TRAF3: variants seen among roughly 807,000 people sequenced by gnomAD.
TRAF3 encodes TNF receptor-associated factor 3.
Under a neutral mutation model 62.3 loss-of-function variants are expected in TRAF3, and 13 were observed. The ratio of observed to expected loss-of-function variants is 0.21; its 90% CI spans 0.14 to 0.33. The LOEUF is 0.33. TRAF3 is among the 10% of genes least tolerant of loss of function. The pLI, the probability that TRAF3 is intolerant of heterozygous loss-of-function variation, is 1.00. For synonymous variants in TRAF3, 269 were observed against 283.4 expected, an observed-to-expected ratio of 0.95 and a Z score of 0.51; for missense variants, 440 against 741.8, an observed-to-expected ratio of 0.59 and a Z score of 4.73.
chr14:102,787,993 A>G (rs1897591277), intron 1 of TRAF3, among the ~76,000 whole-genome samples: 1 of 151,670 alleles, frequency 6.6e-6, no homozygotes, highest in African/African-American at 2.4e-5. Context: ...CTGGGATTAC[A>G]GGTATGCACC....
At chr14:102,816,694 A>C (rs1408425860) in intron 1 of TRAF3, among the ~76,000 whole-genome samples, 2 of 152,148 alleles carry the variant, frequency 1.3e-5, no homozygotes, top group Non-Finnish European at 2.9e-5. Context: ...TGATCATATG[A>C]TTGTGGCAGT....
intron 1 of TRAF3, among the ~76,000 whole-genome samples, chr14:102,819,485 C>T (rs1028082074): frequency 6.6e-6 from 1 of 152,214 alleles, no homozygotes; most frequent in Non-Finnish European, 1.5e-5. Flanking sequence ...GTGTGCACAT[C>T]GCTCAGCATG....
intron 7 of TRAF3, among the ~76,000 whole-genome samples, chr14:102,888,894 C>T (rs1184371137): frequency 4.6e-5 from 7 of 152,132 alleles, no homozygotes; most frequent in African/African-American, 1.4e-4. Context: ...GAGCAAGGGA[C>T]TTTTTTCTTG....
At chr14:102,825,772 G>A (rs75780729) in intron 1 of TRAF3, among the ~76,000 whole-genome samples, 4,050 of 152,346 alleles carry the variant, frequency 0.027, 184 homozygotes, top group African/African-American at 0.092. Context: ...TGGAACTTCT[G>A]TGGGGAGTGC....
chr14:102,892,849 G>A (rs149388811), intron 9 of TRAF3, among the ~76,000 whole-genome samples: 35 of 152,302 alleles, frequency 2.3e-4, no homozygotes, highest in African/African-American at 7.2e-4. Flanking sequence ...GCACACACAC[G>A]GAGCAGAACA....
chr14:102,900,524 G>T (rs536221556), intron 10 of TRAF3, among the ~76,000 whole-genome samples: 1 of 152,220 alleles, frequency 6.6e-6, no homozygotes, highest in East Asian at 1.9e-4. Flanking sequence ...GATAGCATAG[G>T]TGCGAGCATG....
chr14:102,843,816 G>GA (rs202200252), intron 2 of TRAF3, among the ~76,000 whole-genome samples: 33 of 145,322 alleles, frequency 2.3e-4, no homozygotes, highest in Admixed American at 4.1e-4. Flanking sequence ...TTTCTAAAAG[G>GA]AAAAAAAAAA....
intron 6 of TRAF3, among the ~76,000 whole-genome samples, chr14:102,885,159 G>A (rs1022546277): frequency 2.0e-5 from 3 of 152,200 alleles, no homozygotes; most frequent in Non-Finnish European, 4.4e-5. Context: ...GCCGAGGAAA[G>A]CAAGCTCCTG....
intron 1 of TRAF3, among the ~76,000 whole-genome samples, chr14:102,804,961 C>T (rs751232873): frequency 1.3e-5 from 2 of 152,190 alleles, no homozygotes; most frequent in African/African-American, 2.4e-5. Flanking sequence ...CTTGTCTATA[C>T]CACCATATTT....
intron 2 of TRAF3, among the ~76,000 whole-genome samples, chr14:102,855,960 T>C (rs998083534): frequency 2.6e-5 from 4 of 151,746 alleles, no homozygotes; most frequent in Non-Finnish European, 5.9e-5. Context: ...GGCATGGTTG[T>C]GTATGCCTGT....
intron 6 of TRAF3, among the ~76,000 whole-genome samples, chr14:102,882,958 G>T (rs1413270104): frequency 6.6e-6 from 1 of 152,154 alleles, no homozygotes; most frequent in African/African-American, 2.4e-5. Context: ...CTGTTAACTT[G>T]TGAAGGTCAG....
At chr14:102,848,850 A>T (rs1046097573) in intron 2 of TRAF3, among the ~76,000 whole-genome samples, 2 of 152,178 alleles carry the variant, frequency 1.3e-5, no homozygotes, top group Non-Finnish European at 2.9e-5. Flanking sequence ...TAGAGGCTCG[A>T]TCGCTTTCTG....
Position 102,870,301 on chromosome 14 carries a change from C to T in TRAF3, c.100C>T (p.Pro34Ser), listed in dbSNP as rs1888262732. 6.2e-7 allele frequency: 1 copy of T among 1,614,184 alleles called. No homozygotes were observed. The highest frequency in any genetic ancestry group is 8.5e-7 in the Non-Finnish European group (1 of 1,180,042). ...CAGTGCTGGGACGCCAGTTTTTGTC[C>T]CTGAACAAGGAGGTTACAAGGAAAA... is the stretch of plus-strand genomic sequence containing the variant. Reference protein sequence around the residue: ...DRSAGTPVFVPEQGGYKEKFV... With the variant: ...DRSAGTPVFVSEQGGYKEKFV... The change falls in exon 3 of 12, where the codon CCT becomes TCT. Residue 34 changes from proline (P) to serine (S), a missense_variant. By Grantham distance (74) the Pro-to-Ser change is moderately conservative. This residue lies in a region of TRAF3 where 255 missense variants were observed against 424.1 expected (regional missense o/e 0.60). Coordinates refer to ENST00000392745, the MANE Select transcript of TRAF3 (RefSeq NM_145725.3).
intron 2 of TRAF3, among the ~76,000 whole-genome samples, chr14:102,864,798 T>C (rs1386742868): frequency 6.6e-6 from 1 of 152,174 alleles, no homozygotes; most frequent in Non-Finnish European, 1.5e-5. Flanking sequence ...GCCCTCTCTC[T>C]GTTACGTCAG....
At chr14:102,820,585 TA>T (rs1899845956) in intron 1 of TRAF3, among the ~76,000 whole-genome samples, 1 of 6,250 alleles carries the variant, frequency 1.6e-4, no homozygotes, top group Non-Finnish European at 2.7e-4. Context: ...TATATATATA[TA>T]TATATATATA....
chr14:102,905,786 A>T lies in TRAF3; in HGVS notation c.*2A>T, dbSNP rs896564516. ...ACTTCGGATCTGCCCGATCCCTGAT[A>T]AGTAGCTGGGGAGGTGGATTTAGCA... On this transcript the variant is annotated 3_prime_UTR_variant, in exon 12 of 12. Transcript: ENST00000392745. 9.9e-6 allele frequency: 16 copies of T among 1,613,106 alleles called. No homozygotes were observed. Among genetic ancestry groups the T allele is most frequent in the Non-Finnish European group, 1.4e-5 (16 of 1,179,580 alleles).
Position 102,821,214 on chromosome 14 carries a change from A to G in TRAF3, c.-156-9120A>G, listed in dbSNP as rs768072872. Among the ~76,000 whole-genome samples, 29 of 152,308 alleles carry G rather than the reference A, an allele frequency of 1.9e-4. No homozygotes were observed. In the Middle Eastern group the frequency reaches 0.01, roughly 54 times the overall value. The stretch of plus-strand genomic sequence containing the variant: ...TTAAAGATTGTTCTTTTAATTTAAA[A>G]TGATTTGTCCAAGGTACTTGACTTA... On this transcript the variant is annotated intron_variant, in intron 1 of 11. Transcript: ENST00000392745.
intron 1 of TRAF3, among the ~76,000 whole-genome samples, chr14:102,796,669 C>T (rs762596764): frequency 1.6e-4 from 24 of 152,230 alleles, no homozygotes; most frequent in Non-Finnish European, 2.9e-4. Flanking sequence ...CAAACAGCCC[C>T]TGGTCGATGC....
intron 1 of TRAF3, among the ~76,000 whole-genome samples, chr14:102,784,135 AG>A (rs1897378707): frequency 6.6e-6 from 1 of 152,032 alleles, no homozygotes; most frequent in South Asian, 2.1e-4. Flanking sequence ...ATAATGACAA[AG>A]CAAGGGCTCT....
Sources: allele counts gnomAD v4.1 joint callset (sites outside exome capture counted in the v4.1 genomes callset), GRCh38; gene constraint gnomAD v4.1.1; regional missense constraint gnomAD v4.1.1; transcripts MANE v1.5; gene names NCBI Gene and HGNC (gene_info 2026-07-23, HGNC 2026-07-21).